HS3ST5: variants seen among roughly 807,000 people sequenced by gnomAD.
HS3ST5 encodes heparan sulfate-glucosamine 3-sulfotransferase 5, also known as heparan sulfate glucosamine 3-O-sulfotransferase 5.
A neutral mutation model predicts 25.4 loss-of-function variants in HS3ST5; 10 were observed. The observed-to-expected ratio is 0.39, with a 90% CI of 0.24 to 0.67. The LOEUF (loss-of-function observed/expected upper bound fraction) is 0.67, where lower values mean the gene tolerates loss of function less well. Ranked by LOEUF, HS3ST5 falls within the 30% of genes least tolerant of loss-of-function variation. HS3ST5 has a pLI of 0.44. For missense variants in HS3ST5, 324 were observed against 420.7 expected (o/e 0.77, Z 2.01); for synonymous variants, 170 against 162.4 (o/e 1.05, Z -0.36).
At chr6:114,070,208 G>A (rs1773729846) in intron 3 of HS3ST5, among the ~76,000 whole-genome samples, 1 of 150,642 alleles carries the variant, frequency 6.6e-6, no homozygotes, top group South Asian at 2.1e-4. Context: ...CATTGATTGA[G>A]AGCAGACAAA....
intron 3 of HS3ST5, among the ~76,000 whole-genome samples, chr6:114,074,660 C>A (rs1053103366): frequency 6.6e-6 from 1 of 151,972 alleles, no homozygotes; most frequent in Non-Finnish European, 1.5e-5. Context: ...AGCTTTTTTG[C>A]TTCTCCCTAT....
intron 3 of HS3ST5, among the ~76,000 whole-genome samples, chr6:114,126,415 G>C (rs1428610464): frequency 6.6e-6 from 1 of 152,174 alleles, no homozygotes; most frequent in Non-Finnish European, 1.5e-5. Context: ...AGTCTGGTAA[G>C]AGGTGGTATG....
chr6:114,063,932 A>C (rs757157430), intron 3 of HS3ST5, among the ~76,000 whole-genome samples: 1 of 152,202 alleles, frequency 6.6e-6, no homozygotes, highest in Non-Finnish European at 1.5e-5. Flanking sequence ...AAAGAAGCTT[A>C]CCTGGAAGCT....
chr6:114,311,871 C>T (rs1417856371), intron 1 of HS3ST5, among the ~76,000 whole-genome samples: 1 of 152,120 alleles, frequency 6.6e-6, no homozygotes, highest in Non-Finnish European at 1.5e-5. Context: ...ATGGTCATAA[C>T]TAAATCAATG....
chr6:114,198,459 G>A (rs760617867), intron 2 of HS3ST5, among the ~76,000 whole-genome samples: 2 of 152,110 alleles, frequency 1.3e-5, no homozygotes, highest in South Asian at 2.1e-4. Flanking sequence ...TATACAATTC[G>A]ATCATTCCCC....
chr6:114,182,451 G>C (rs943066011), intron 2 of HS3ST5, among the ~76,000 whole-genome samples: 3 of 152,192 alleles, frequency 2.0e-5, no homozygotes, highest in Admixed American at 6.5e-5. Context: ...TCGAGTTCTT[G>C]CTTTGGCCCT....
chr6:114,144,731 A>C (rs1476454492), intron 3 of HS3ST5, among the ~76,000 whole-genome samples: 1 of 152,182 alleles, frequency 6.6e-6, no homozygotes, highest in African/African-American at 2.4e-5. Flanking sequence ...CTTAGCTCTG[A>C]CACTTACTAG....
At chr6:114,230,533 A>G (rs1771531826) in intron 1 of HS3ST5, among the ~76,000 whole-genome samples, 1 of 151,902 alleles carries the variant, frequency 6.6e-6, no homozygotes, top group African/African-American at 2.4e-5. Context: ...GAGACTCTTT[A>G]ATAGATTTCT....
intron 3 of HS3ST5, among the ~76,000 whole-genome samples, chr6:114,152,342 T>C (rs568818821): frequency 1.3e-5 from 2 of 152,328 alleles, no homozygotes; most frequent in Admixed American, 1.3e-4. Flanking sequence ...TGTTTCAGTG[T>C]ACACATCTAT....
intron 4 of HS3ST5, among the ~76,000 whole-genome samples, chr6:114,061,627 C>A (rs1050904361): frequency 3.3e-5 from 5 of 152,216 alleles, no homozygotes; most frequent in African/African-American, 9.7e-5. Flanking sequence ...ATGGAGAACA[C>A]ACTTCAGTCT....
intron 2 of HS3ST5, among the ~76,000 whole-genome samples, chr6:114,179,458 A>G (rs1012363354): frequency 2.6e-5 from 4 of 152,170 alleles, no homozygotes; most frequent in African/African-American, 9.7e-5. Context: ...AAAGTACCCA[A>G]GTTACAATGA....
At chr6:114,340,025 G>T (rs1000013636) in intron 1 of HS3ST5, among the ~76,000 whole-genome samples, 4 of 152,160 alleles carry the variant, frequency 2.6e-5, no homozygotes, top group Non-Finnish European at 5.9e-5. Flanking sequence ...TGCATATTGT[G>T]TGTGTTCATG....
intron 1 of HS3ST5, among the ~76,000 whole-genome samples, chr6:114,270,376 C>T (rs1773587476): frequency 6.6e-6 from 1 of 151,974 alleles, no homozygotes; most frequent in South Asian, 2.1e-4. Context: ...TAAAAAAAAT[C>T]CATTAAAAAA....
At chr6:114,332,139 C>G (rs982885198) in intron 1 of HS3ST5, among the ~76,000 whole-genome samples, 1 of 151,958 alleles carries the variant, frequency 6.6e-6, no homozygotes, top group Non-Finnish European at 1.5e-5. Context: ...GAAATGGAGA[C>G]CTAAATCATC....
intron 3 of HS3ST5, among the ~76,000 whole-genome samples, chr6:114,132,628 A>G (rs1777393889): frequency 6.6e-6 from 1 of 152,204 alleles, no homozygotes; most frequent in Non-Finnish European, 1.5e-5. Context: ...GCCTGGTCCA[A>G]GTGAAACAAA....
chr6:114,326,523 T>C (rs768890441), intron 1 of HS3ST5, among the ~76,000 whole-genome samples: 2 of 152,204 alleles, frequency 1.3e-5, no homozygotes, highest in African/African-American at 4.8e-5. Context: ...TCAGTACCAA[T>C]TTATGAACTA....
At chr6:114,174,585 A>T (rs984722171) in intron 2 of HS3ST5, among the ~76,000 whole-genome samples, 2 of 152,220 alleles carry the variant, frequency 1.3e-5, no homozygotes, top group Non-Finnish European at 2.9e-5. Context: ...ATTTTAAAAA[A>T]TTACTTACCA....
At chr6:114,335,007 A>G (rs1562279348) in intron 1 of HS3ST5, among the ~76,000 whole-genome samples, 1 of 152,162 alleles carries the variant, frequency 6.6e-6, no homozygotes, top group Non-Finnish European at 1.5e-5. Flanking sequence ...AAGATACAGG[A>G]AAGTAGGGAG....
intron 1 of HS3ST5, among the ~76,000 whole-genome samples, chr6:114,234,408 GAGA>G (rs1771758800): frequency 1.3e-5 from 2 of 151,624 alleles, no homozygotes. Flanking sequence ...TTAAAAATCT[GAGA>G]GTGAGCTATT....
Sources: allele counts gnomAD v4.1 joint callset (sites outside exome capture counted in the v4.1 genomes callset), GRCh38; gene constraint gnomAD v4.1.1; transcripts MANE v1.5; gene names NCBI Gene and HGNC (gene_info 2026-07-23, HGNC 2026-07-21).